The following ABCB1 variants were observed in gnomAD, a reference collection of about 807,000 sequenced individuals.
ABCB1 encodes the protein ATP-dependent translocase ABCB1.
A neutral mutation model predicts 142.0 loss-of-function variants in ABCB1; 69 were observed. The ratio of observed to expected loss-of-function variants is 0.49; its 90% CI spans 0.40 to 0.59. ABCB1 has a LOEUF of 0.59. Among genes scored for constraint, ABCB1 ranks in the 20% least tolerant of loss-of-function variants. The pLI, the probability that ABCB1 is intolerant of heterozygous loss-of-function variation, is 0.00. For synonymous variants in ABCB1, 532 were observed against 539.2 expected (o/e 0.99, Z 0.18); for missense variants, 1,326 against 1,554.7 (o/e 0.85, Z 2.47).
intron 2 of ABCB1, among the ~76,000 whole-genome samples, chr7:87,599,328 C>T (rs1819345005): frequency 6.6e-6 from 1 of 151,996 alleles, no homozygotes; most frequent in South Asian, 2.1e-4. Context: ...ATTACATTAC[C>T]AATATTATAT....
intron 11 of ABCB1, 82 bp downstream of exon 11, chr7:87,550,386 A>G: frequency 6.2e-7 from 1 of 1,604,926 alleles, no homozygotes; most frequent in Non-Finnish European, 8.5e-7. Flanking sequence ...ATATACATGC[A>G]CTTTTTTATA....
intron 1 of ABCB1, among the ~76,000 whole-genome samples, chr7:87,701,547 A>G (rs1386206531): frequency 6.6e-6 from 1 of 152,230 alleles, no homozygotes; most frequent in Admixed American, 6.5e-5. Flanking sequence ...AAAATCATGT[A>G]TGGGTAAAAA....
chr7:87,547,809 C>A (rs1188414898), intron 14 of ABCB1, among the ~76,000 whole-genome samples: 2 of 145,534 alleles, frequency 1.4e-5, no homozygotes, highest in Non-Finnish European at 3.0e-5. Flanking sequence ...CAAGATTGTC[C>A]CACTGCACTC....
chr7:87,662,510 G>T (rs138334444), intron 1 of ABCB1, among the ~76,000 whole-genome samples: 1 of 152,006 alleles, frequency 6.6e-6, no homozygotes, highest in Non-Finnish European at 1.5e-5. Context: ...TGAAGAGACT[G>T]TCCTTTCCCC....
At position 87,531,414 on chromosome 7, in the gene ABCB1, C is replaced by T; in HGVS notation, c.2565G>A (p.Trp855Ter). The T allele has an allele frequency of 3.1e-6, 5 of 1,613,424 alleles. No individual in the cohort carries two copies. Among genetic ancestry groups the T allele is most frequent in the Non-Finnish European group, 4.2e-6 (5 of 1,179,672 alleles). Residue 855 changes from tryptophan (W) to a stop codon, truncating the protein, a stop_gained, in exon 21 of 28, where the codon TGG becomes TGA. Coordinates refer to ENST00000622132, the MANE Select transcript of ABCB1 (RefSeq NM_001348946.2). LOFTEE classifies it high-confidence loss of function. ...TTGCTAAGAGTAACAGTGTTAGTTGCCAACCATAGATGAAGGATATAATTA... is the reference window on the plus strand; with the variant it reads ...TTGCTAAGAGTAACAGTGTTAGTTGTCAACCATAGATGAAGGATATAATTA... ...TGIIISFIYGWQLTLLLLAIV... is the reference protein window; with the variant it reads ...TGIIISFIYG
intron 1 of ABCB1, among the ~76,000 whole-genome samples, chr7:87,692,909 G>A (rs1348226802): frequency 1.3e-5 from 2 of 152,150 alleles, no homozygotes; most frequent in East Asian, 3.8e-4. Flanking sequence ...AAAATGTTAT[G>A]GAAGTAAGAG....
rs1178519588 is a variant in ABCB1, at chr7:87,680,520, C to T, written c.-331+32641G>A. ...AAGAAACTAAAAAAGGGGCCGGGCCCGGTGGCTCACGCCTGTAATCCCAGC... is the reference window on the plus strand; with the variant it reads ...AAGAAACTAAAAAAGGGGCCGGGCCTGGTGGCTCACGCCTGTAATCCCAGC... On this transcript the variant is annotated intron_variant, in intron 1 of 28. Transcript: ENST00000265724. Among the ~76,000 whole-genome samples the T allele has an allele frequency of 2.7e-5, 4 of 150,742 alleles. 1 individual carries two copies. Among genetic ancestry groups the T allele is most frequent in the Non-Finnish European group, 5.9e-5 (4 of 67,880 alleles).
intron 1 of ABCB1, among the ~76,000 whole-genome samples, chr7:87,625,870 T>C (rs1238076453): frequency 6.6e-6 from 1 of 151,852 alleles, no homozygotes; most frequent in Non-Finnish European, 1.5e-5. Context: ...AAGTGTAAAG[T>C]CTGACTAAAT....
intron 1 of ABCB1, among the ~76,000 whole-genome samples, chr7:87,694,223 C>A (rs190797065): frequency 6.6e-6 from 1 of 151,840 alleles, no homozygotes; most frequent in Non-Finnish European, 1.5e-5. Flanking sequence ...ATAAATATTA[C>A]GTGTGAAGTA....
At chr7:87,710,186 A>T (rs1365045787) in intron 1 of ABCB1, among the ~76,000 whole-genome samples, 6 of 151,230 alleles carry the variant, frequency 4.0e-5, no homozygotes, top group Non-Finnish European at 8.9e-5. Flanking sequence ...ATGAGAGAGA[A>T]CTCTGTTTTT....
chr7:87,600,318 C>A (rs760397286), intron 1 of ABCB1, 128 bp from the exon 2 acceptor site: 2 of 762,392 alleles, frequency 2.6e-6, no homozygotes, highest in Non-Finnish European at 2.3e-6. Flanking sequence ...GATGCCCCAG[C>A]TGCTCTGGCC....
chr7:87,549,835 G>A lies in ABCB1; in HGVS notation c.1554+16C>T, dbSNP rs747801141. The A allele has an allele frequency of 1.9e-6, 3 of 1,613,760 alleles. No individual in the cohort carries two copies. In the African/African-American group the frequency reaches 4.0e-5, roughly 22 times the overall value. On this transcript the variant is annotated intron_variant, in intron 13 of 27. Coordinates refer to ENST00000622132, the MANE Select transcript of ABCB1 (RefSeq NM_001348946.2). Reference sequence around the variant, plus strand: ...TTTTTGCACCTCTAGAAAGGCAAAGGGCAAGGACAACTTACATGAGGCAGT... The same window carrying A: ...TTTTTGCACCTCTAGAAAGGCAAAGAGCAAGGACAACTTACATGAGGCAGT...
chr7:87,607,824 G>A (rs902199604), intron 1 of ABCB1, among the ~76,000 whole-genome samples: 3 of 152,174 alleles, frequency 2.0e-5, no homozygotes, highest in African/African-American at 7.2e-5. Context: ...ATATGAAGAT[G>A]AGCCGTGTAA....
At chr7:87,529,139 A>G (rs1194285077) in intron 21 of ABCB1, among the ~76,000 whole-genome samples, 1 of 152,186 alleles carries the variant, frequency 6.6e-6, no homozygotes, top group African/African-American at 2.4e-5. Flanking sequence ...CTATAGTTGG[A>G]TAAGAATGGA....
At chr7:87,690,606 A>G (rs1375837116) in intron 1 of ABCB1, among the ~76,000 whole-genome samples, 1 of 152,146 alleles carries the variant, frequency 6.6e-6, no homozygotes, top group African/African-American at 2.4e-5. Flanking sequence ...AGATAGTCTC[A>G]TTGTTAGCTG....
intron 21 of ABCB1, among the ~76,000 whole-genome samples, chr7:87,529,303 C>T (rs1473686572): frequency 6.6e-6 from 1 of 152,236 alleles, no homozygotes; most frequent in East Asian, 1.9e-4. Flanking sequence ...GTATTTAGAG[C>T]TGTTAGAATG....
At chr7:87,643,058 A>G (rs1351827765) in intron 1 of ABCB1, among the ~76,000 whole-genome samples, 1 of 152,066 alleles carries the variant, frequency 6.6e-6, no homozygotes, top group East Asian at 1.9e-4. Flanking sequence ...TTAAAATAAC[A>G]GCCTCTTTCC....
chr7:87,664,174 A>C (rs1026147926), intron 1 of ABCB1, among the ~76,000 whole-genome samples: 1 of 152,050 alleles, frequency 6.6e-6, no homozygotes, highest in African/African-American at 2.4e-5. Flanking sequence ...AAAAATATAC[A>C]GGGTAGCCAG....
chr7:87,625,951 C>A (rs1820408838), intron 1 of ABCB1, among the ~76,000 whole-genome samples: 1 of 146,228 alleles, frequency 6.8e-6, no homozygotes, highest in South Asian at 2.2e-4. Context: ...ACACTATATA[C>A]GTATGGCTAG....
Sources: allele counts gnomAD v4.1 joint callset (sites outside exome capture counted in the v4.1 genomes callset), GRCh38; gene constraint gnomAD v4.1.1; transcripts MANE v1.5; gene names NCBI Gene and HGNC (gene_info 2026-07-23, HGNC 2026-07-21).